NFYC: variants seen among roughly 807,000 people sequenced by gnomAD.
The protein encoded by NFYC is nuclear transcription factor Y subunit gamma.
NFYC carries 25 observed loss-of-function variants against 53.1 expected under a neutral mutation model. The ratio of observed to expected loss-of-function variants is 0.47; its 90% CI spans 0.34 to 0.66. The LOEUF (loss-of-function observed/expected upper bound fraction) is 0.66, where lower values mean the gene tolerates loss of function less well. NFYC is among the 30% of genes least tolerant of loss of function. The pLI, the probability that NFYC is intolerant of heterozygous loss-of-function variation, is 0.01. For missense variants in NFYC, 260 were observed against 422.7 expected (o/e 0.62, Z 3.38); for synonymous variants, 145 against 152.6 (o/e 0.95, Z 0.37).
chr1:40,692,931 G>T (rs754560124), intron 1 of NFYC, among the ~76,000 whole-genome samples: 8 of 152,178 alleles, frequency 5.3e-5, no homozygotes, highest in Non-Finnish European at 8.8e-5. Flanking sequence ...TGTTGTATAT[G>T]AAATTTGCTG....
chr1:40,747,143 C>T (rs1000872802), intron 2 of NFYC, among the ~76,000 whole-genome samples: 7 of 151,942 alleles, frequency 4.6e-5, no homozygotes, highest in African/African-American at 1.7e-4. Context: ...GAGGAATACC[C>T]CTGAGACAGA....
At chr1:40,766,776 C>G in intron 8 of NFYC, 73 bp downstream of exon 8, 2 of 1,513,496 alleles carry the variant, frequency 1.3e-6, no homozygotes, top group Non-Finnish European at 1.8e-6. Flanking sequence ...AAGGAGCGCT[C>G]AGCACACAGC....
intron 1 of NFYC, among the ~76,000 whole-genome samples, chr1:40,732,627 C>A (rs112476341): frequency 0.027 from 4,147 of 152,284 alleles, 75 homozygotes; most frequent in Middle Eastern, 0.048. Flanking sequence ...GATGGCCAGG[C>A]AGAGGTATTT....
At chr1:40,698,273 G>A (rs1020078869) in intron 1 of NFYC, among the ~76,000 whole-genome samples, 1 of 151,250 alleles carries the variant, frequency 6.6e-6, no homozygotes, top group Non-Finnish European at 1.5e-5. Flanking sequence ...TGAGGCAGGA[G>A]AATCGCTCGA....
At chr1:40,764,142 C>T (rs1417968394) in intron 7 of NFYC, among the ~76,000 whole-genome samples, 1 of 152,168 alleles carries the variant, frequency 6.6e-6, no homozygotes, top group African/African-American at 2.4e-5. Context: ...TTACATTGGT[C>T]ATTTTGACCC....
chr1:40,700,091 T>C (rs958420717), intron 1 of NFYC, among the ~76,000 whole-genome samples: 10 of 152,188 alleles, frequency 6.6e-5, no homozygotes, highest in African/African-American at 2.4e-4. Flanking sequence ...ATGAATCATT[T>C]TGTATAAGAT....
intron 1 of NFYC, among the ~76,000 whole-genome samples, chr1:40,724,084 T>G (rs910260260): frequency 3.3e-5 from 5 of 152,164 alleles, no homozygotes; most frequent in Admixed American, 6.5e-5. Flanking sequence ...ATAAACTAAT[T>G]AGGGGCTGGA....
At chr1:40,692,691 G>C (rs1642896518) in intron 1 of NFYC, among the ~76,000 whole-genome samples, 2 of 152,166 alleles carry the variant, frequency 1.3e-5, no homozygotes, top group Admixed American at 6.5e-5. Context: ...CTGGAGTCCA[G>C]AGTCAACGGA....
chr1:40,718,193 T>C (rs1264864189), intron 1 of NFYC, among the ~76,000 whole-genome samples: 1 of 152,206 alleles, frequency 6.6e-6, no homozygotes, highest in East Asian at 1.9e-4. Flanking sequence ...AGTGTTTATA[T>C]GAATAGTACT....
intron 7 of NFYC, chr1:40,766,032 C>T (rs1226102079): frequency 6.8e-6 from 1 of 147,208 alleles, no homozygotes; most frequent in Non-Finnish European, 1.5e-5. Context: ...CACCAAAGAT[C>T]CTAAAAGCCC....
chr1:40,752,409 G>A (rs1645966289), intron 4 of NFYC, among the ~76,000 whole-genome samples: 1 of 152,064 alleles, frequency 6.6e-6, no homozygotes. Flanking sequence ...TTGGGTTTTA[G>A]TAAAAATCTT....
intron 5 of NFYC, chr1:40,757,254 G>C (rs745650146): frequency 4.1e-6 from 2 of 489,438 alleles, no homozygotes; most frequent in Non-Finnish European, 8.7e-6. Context: ...GTGGTCAGGG[G>C]CTGATCAACC....
chr1:40,757,551 C>G (rs1646294922), intron 5 of NFYC, among the ~76,000 whole-genome samples: 1 of 152,208 alleles, frequency 6.6e-6, no homozygotes. Context: ...CCTCAGTGAC[C>G]ACAGAGCTTT....
At chr1:40,767,655 T>A (rs1482044632) in intron 8 of NFYC, among the ~76,000 whole-genome samples, 1 of 151,910 alleles carries the variant, frequency 6.6e-6, no homozygotes, top group African/African-American at 2.4e-5. Flanking sequence ...TGGGAGGAAA[T>A]GAGAAGGAAG....
At chr1:40,742,501 A>G (rs1185038797) in intron 2 of NFYC, among the ~76,000 whole-genome samples, 1 of 152,216 alleles carries the variant, frequency 6.6e-6, no homozygotes, top group Non-Finnish European at 1.5e-5. Context: ...ACTTTGAGGG[A>G]TTCAGTTTTG....
chr1:40,739,898 G>T (rs750245362), intron 2 of NFYC, among the ~76,000 whole-genome samples: 11 of 152,154 alleles, frequency 7.2e-5, no homozygotes, highest in Non-Finnish European at 1.2e-4. Flanking sequence ...ATGCATAAAG[G>T]CATGGAGGCC....
At chr1:40,757,990 C>T (rs1646323504) in intron 5 of NFYC, 131 bp from the exon 6 acceptor site, 1 of 949,708 alleles carries the variant, frequency 1.1e-6, no homozygotes, top group Non-Finnish European at 1.6e-6. Context: ...TTTCCTTTGG[C>T]TTCAAATGTG....
intron 1 of NFYC, among the ~76,000 whole-genome samples, chr1:40,733,227 G>T (rs1294896763): frequency 6.6e-6 from 1 of 152,068 alleles, no homozygotes; most frequent in East Asian, 1.9e-4. Context: ...CAAATACAAT[G>T]ATTGTACAAG....
chr1:40,770,334 T>G lies in NFYC; in HGVS notation c.889-375T>G. ...CCCTGCCAGTGTAGATTACCAAGAG[T>G]TGGGGAAATGCTGACTTCCAAGCTG... is the stretch of plus-strand genomic sequence containing the variant. On this transcript the variant is annotated intron_variant, in intron 9 of 9. Transcript: ENST00000447388. This position sits in a 1 kb window ranked among gnomAD's most constrained non-coding sequence, Gnocchi z 5.3. 6.9e-7 allele frequency: 1 copy of G among 1,448,590 alleles called. No individual in the cohort carries two copies. The highest frequency in any genetic ancestry group is 9.3e-7 in the Non-Finnish European group (1 of 1,074,590). 89.7% of individuals were successfully genotyped at this position (1,448,590 alleles called of 1,614,324 possible).
Sources: allele counts gnomAD v4.1 joint callset (sites outside exome capture counted in the v4.1 genomes callset), GRCh38; gene constraint gnomAD v4.1.1; non-coding constraint Gnocchi (gnomAD v3.1); transcripts MANE v1.5; gene names NCBI Gene and HGNC (gene_info 2026-07-23, HGNC 2026-07-21).